Variants in RPSA2 observed in about 807,000 individuals in gnomAD.
The protein encoded by RPSA2 is ribosomal protein SA 2.
At chr19:23,834,991 A>C in the RPSA2 span, among the ~76,000 whole-genome samples, 1 of 152,118 alleles carries the variant, frequency 6.6e-6, no homozygotes, top group Non-Finnish European at 1.5e-5. Context: ...ATACAGGAAT[A>C]CAAAATATGA....
the RPSA2 span, among the ~76,000 whole-genome samples, chr19:23,826,564 A>C: frequency 6.6e-6 from 1 of 152,004 alleles, no homozygotes; most frequent in Non-Finnish European, 1.5e-5. Flanking sequence ...TAACTACTTC[A>C]TGTATGTCAT....
At chr19:23,863,807 AC>A in the RPSA2 span, among the ~76,000 whole-genome samples, 1 of 152,140 alleles carries the variant, frequency 6.6e-6, no homozygotes, top group South Asian at 2.1e-4. Flanking sequence ...ACTAGTGTTA[AC>A]CACTCCACTT....
At chr19:23,821,862 G>T in the RPSA2 span, among the ~76,000 whole-genome samples, 1 of 152,182 alleles carries the variant, frequency 6.6e-6, no homozygotes, top group Non-Finnish European at 1.5e-5. Context: ...GAGGGCTGCC[G>T]CTAACAGGTT....
chr19:23,797,142 C>T, the RPSA2 span, among the ~76,000 whole-genome samples: 1 of 151,732 alleles, frequency 6.6e-6, no homozygotes, highest in African/African-American at 2.4e-5. Flanking sequence ...TGGATTTTCG[C>T]TCTTGCTGCC....
chr19:23,780,451 G>A, the RPSA2 span, among the ~76,000 whole-genome samples: 1 of 152,084 alleles, frequency 6.6e-6, no homozygotes. Context: ...AGACCATCCT[G>A]GCTAACGTGG....
At chr19:23,808,473 G>A in the RPSA2 span, among the ~76,000 whole-genome samples, 1 of 151,738 alleles carries the variant, frequency 6.6e-6, no homozygotes, top group Non-Finnish European at 1.5e-5. Context: ...CACCATCTTG[G>A]GCAGGCTGGT....
the RPSA2 span, among the ~76,000 whole-genome samples, chr19:23,834,964 A>G: frequency 1.2e-4 from 19 of 152,070 alleles, no homozygotes; most frequent in Non-Finnish European, 2.7e-4. Context: ...TGTTTATGCC[A>G]TATATGGCAT....
chr19:23,815,698 T>C, the RPSA2 span, among the ~76,000 whole-genome samples: 1 of 152,224 alleles, frequency 6.6e-6, no homozygotes, highest in Non-Finnish European at 1.5e-5. Flanking sequence ...CTTTGTTTTC[T>C]TGTTGATTTT....
chr19:23,839,536 A>C, the RPSA2 span, among the ~76,000 whole-genome samples: 1 of 152,186 alleles, frequency 6.6e-6, no homozygotes, highest in Non-Finnish European at 1.5e-5. Context: ...TCTGTTTCTC[A>C]GTGTGGTAAA....
chr19:23,847,762 CT>C, the RPSA2 span, among the ~76,000 whole-genome samples: 1 of 152,272 alleles, frequency 6.6e-6, no homozygotes, highest in Admixed American at 6.5e-5. Context: ...CAGTACTTAT[CT>C]CAAACACATA....
the RPSA2 span, chr19:23,832,004 C>A: frequency 4.8e-6 from 2 of 419,824 alleles, no homozygotes; most frequent in South Asian, 4.2e-5. Flanking sequence ...TTTAATTGGT[C>A]CTCAATCCTT....
At chr19:23,765,457 TAA>T in the RPSA2 span, among the ~76,000 whole-genome samples, 5 of 151,744 alleles carry the variant, frequency 3.3e-5, no homozygotes, top group South Asian at 2.1e-4. Flanking sequence ...TGTGCATCTA[TAA>T]AAAAAAAATG....
the RPSA2 span, among the ~76,000 whole-genome samples, chr19:23,766,823 A>G: frequency 3.4e-5 from 5 of 146,590 alleles, no homozygotes; most frequent in African/African-American, 1.3e-4. Flanking sequence ...CAGTGTCGTT[A>G]TCTTGGCTCA....
the RPSA2 span, among the ~76,000 whole-genome samples, chr19:23,846,617 G>T: frequency 5.9e-5 from 9 of 152,244 alleles, no homozygotes; most frequent in Middle Eastern, 3.4e-3. Context: ...CTTCACTTGT[G>T]AAGGTTAATC....
At chr19:23,822,813 G>T in the RPSA2 span, among the ~76,000 whole-genome samples, 1 of 152,084 alleles carries the variant, frequency 6.6e-6, no homozygotes, top group Non-Finnish European at 1.5e-5. Flanking sequence ...TAGGGAGGAG[G>T]GGTTTCTATC....
At chr19:23,772,580 C>CTCCCA in the RPSA2 span, among the ~76,000 whole-genome samples, 2 of 152,110 alleles carry the variant, frequency 1.3e-5, no homozygotes, top group African/African-American at 4.8e-5. Context: ...GAATTGCCAC[C>CTCCCA]CTCCCACATA....
the RPSA2 span, among the ~76,000 whole-genome samples, chr19:23,854,783 CCATCCTTCG>C: frequency 6.6e-6 from 1 of 152,176 alleles, no homozygotes; most frequent in Non-Finnish European, 1.5e-5. Flanking sequence ...AGTTTGATTG[CCATCCTTCG>C]TGGCCCATGC....
the RPSA2 span, among the ~76,000 whole-genome samples, chr19:23,824,581 T>TTTC: frequency 2.0e-3 from 92 of 45,402 alleles, 17 homozygotes; most frequent in Non-Finnish European, 3.2e-3. Context: ...ATAGCATTTC[T>TTTC]TTTTTTTTTT....
chr19:23,847,234 A>G, the RPSA2 span, among the ~76,000 whole-genome samples: 2 of 148,272 alleles, frequency 1.3e-5, no homozygotes, highest in South Asian at 2.1e-4. Context: ...AAGGATGTCT[A>G]TCTCCTTGGC....
Sources: gnomAD v4.1 joint callset for allele counts (sites outside exome capture counted in the v4.1 genomes callset) on GRCh38, gnomAD v4.1.1 for gene constraint, MANE v1.5 for transcripts, NCBI Gene and HGNC (gene_info 2026-07-23, HGNC 2026-07-21) for gene names.